CLN3: variants seen among roughly 807,000 people sequenced by gnomAD.
CLN3 encodes CLN3 lysosomal/endosomal transmembrane protein, battenin, also known as battenin.
In CLN3, 49 loss-of-function variants were observed where a neutral mutation model predicts 60.7. The ratio of observed to expected loss-of-function variants is 0.81; its 90% CI spans 0.64 to 1.02. CLN3 has a LOEUF of 1.02. CLN3 is among the 50% of genes least tolerant of loss of function. The pLI is 0.00. For synonymous variants in CLN3, 256 were observed against 245.8 expected, an observed-to-expected ratio of 1.04 and a Z score of -0.39; for missense variants, 516 against 557.4, an observed-to-expected ratio of 0.93 and a Z score of 0.75.
chr16:28,486,912 C>A (rs2046230016), intron 7 of CLN3: 2 of 500,950 alleles, frequency 4.0e-6, no homozygotes, highest in African/African-American at 3.9e-5. Context: ...CAGTCTTTTT[C>A]TTTTCTTTTC....
At chr16:28,479,348 G>A (rs1329482860) in intron 14 of CLN3, 1 of 152,300 alleles carries the variant, frequency 6.6e-6, no homozygotes, top group Non-Finnish European at 1.5e-5. Context: ...CACTTTGGAA[G>A]GCCAAGGCGG....
Position 28,482,072 on chromosome 16 carries a change from G to A in CLN3, c.1056+33C>T, listed in dbSNP as rs918830373. 19 of 1,553,718 alleles carry A rather than the reference G, an allele frequency of 1.2e-5. No homozygotes were observed. The Admixed American group carries it at 1.9e-4, about 16-fold the overall frequency. The stretch of plus-strand genomic sequence containing the variant: ...GCTGGGAGCCAAGCTGGGAGCCAAG[G>A]TGGGAGTGAAGTGAGGGGCAGGGGT... On this transcript the variant is annotated intron_variant, in intron 14 of 15. Transcript: ENST00000636147.
At chr16:28,483,515 C>G (rs1400297730) in intron 10 of CLN3, among the ~76,000 whole-genome samples, 1 of 149,538 alleles carries the variant, frequency 6.7e-6, no homozygotes, top group Non-Finnish European at 1.5e-5. Flanking sequence ...AACCACCACG[C>G]CCGGCCAATG....
intron 10 of CLN3, 117 bp from the exon 11 acceptor site, chr16:28,482,789 C>A (rs932581906): frequency 1.8e-6 from 2 of 1,086,700 alleles, no homozygotes; most frequent in African/African-American, 3.1e-5. Context: ...CACTTCCATG[C>A]CACTGGATTG....
intron 3 of CLN3, 114 bp from the exon 4 acceptor site, chr16:28,489,500 T>G (rs2046278287): frequency 1.3e-6 from 1 of 762,996 alleles, no homozygotes; most frequent in Admixed American, 2.0e-5. Context: ...TTTTTTTCCC[T>G]CTATCACCAG....
chr16:28,487,564 GA>G (rs1394356896), intron 6 of CLN3, 23 bp from the exon 7 acceptor site: 2 of 1,606,986 alleles, frequency 1.2e-6, no homozygotes, highest in South Asian at 2.2e-5. Context: ...GAAGGGAAGG[GA>G]GGGGGAAGGT....
At chr16:28,489,153 C>G (rs2046270866) in intron 4 of CLN3, 137 bp downstream of exon 4, 1 of 731,328 alleles carries the variant, frequency 1.4e-6, no homozygotes, top group Non-Finnish European at 2.5e-6. Flanking sequence ...CCGCCCGCCT[C>G]AGCCTCCCAA....
Position 28,487,453 on chromosome 16 carries a change from C to T in CLN3, c.460+3G>A, listed in dbSNP as rs779238243. The T allele has an allele frequency of 6.2e-6, 10 of 1,612,900 alleles. No homozygotes were observed. In the East Asian group the frequency reaches 2.2e-4, roughly 36 times the overall value. ...CCCATCTGACACAGAACCACACACT[C>T]ACCACACAGGCTGGTCCCCACAGAA... On this transcript the variant is annotated splice_donor_region_variant and intron_variant, in intron 7 of 15. Transcript: ENST00000636147.
chr16:28,482,071 G>A (rs1254722737), intron 14 of CLN3, 34 bp downstream of exon 14: 2 of 1,548,846 alleles, frequency 1.3e-6, no homozygotes, highest in East Asian at 2.3e-5. Context: ...TGGGAGCCAA[G>A]GTGGGAGTGA....
At chr16:28,472,660 G>A (rs184882432), downstream of CLN3, among the ~76,000 whole-genome samples, 170 of 150,822 alleles carry the variant, frequency 1.1e-3, 3 homozygotes, top group East Asian at 0.018. Context: ...GGCCAACACG[G>A]TGAAACCCCG....
chr16:28,469,950 C>T (rs1427840328), downstream of CLN3: 14 of 284,986 alleles, frequency 4.9e-5, no homozygotes, highest in East Asian at 1.1e-4. Flanking sequence ...CCAGCCTGGG[C>T]GACAGAGTGA....
chr16:28,489,197 C>T, intron 4 of CLN3, 93 bp downstream of exon 4: 1 of 982,384 alleles, frequency 1.0e-6, no homozygotes, highest in African/African-American at 1.6e-5. Flanking sequence ...CCACTGTGCC[C>T]AGCCAGAGAC....
chr16:28,476,294 TCAGTACTTTGGGAGGCCAAGG>T, downstream of CLN3: 1 of 151,512 alleles, frequency 6.6e-6, no homozygotes, highest in Admixed American at 6.6e-5. Context: ...GCTTGTAATC[TCAGTACTTTGGGAGGCCAAGG>T]CAGGACTGCT....
At position 28,491,472 on chromosome 16, in the gene CLN3, G is replaced by C; in HGVS notation, c.125+10C>G. 1 of 1,612,888 alleles carries C rather than the reference G, an allele frequency of 6.2e-7. No individual in the cohort carries two copies. Among genetic ancestry groups the C allele is most frequent in the Non-Finnish European group, 8.5e-7 (1 of 1,179,952 alleles). ...GCCATTGTCACTCGCTGAAGTCTCA[G>C]GCCACTCACCAGAAGCCCACCGCGT... On this transcript the variant is annotated intron_variant, in intron 3 of 15. Transcript: ENST00000636147.
At chr16:28,475,482 G>C (rs979269859), downstream of CLN3, 1 of 152,364 alleles carries the variant, frequency 6.6e-6, no homozygotes, top group East Asian at 1.9e-4. Context: ...GAGAGGTGAA[G>C]TGACTTGCCC....
At chr16:28,485,768 G>A (rs1326511489) in intron 9 of CLN3, among the ~76,000 whole-genome samples, 2 of 150,368 alleles carry the variant, frequency 1.3e-5, no homozygotes, top group Non-Finnish European at 1.5e-5. Context: ...ACCACACTGT[G>A]CTGAATGCAT....
At chr16:28,475,510 G>A (rs2045983908), downstream of CLN3, 1 of 152,280 alleles carries the variant, frequency 6.6e-6, no homozygotes, top group Non-Finnish European at 1.5e-5. Flanking sequence ...TAGAGCTAGT[G>A]AATGGCAGGG....
intron 7 of CLN3, chr16:28,487,045 G>T: frequency 2.8e-6 from 1 of 360,564 alleles, no homozygotes; most frequent in East Asian, 6.7e-5. Context: ...CGAGTAGCTG[G>T]GATTACAGGC....
Position 28,492,013 on chromosome 16 carries a change from C to T in CLN3, c.-77+7G>A. 1 of 600,482 alleles carries T rather than the reference C, an allele frequency of 1.7e-6. No homozygotes were observed. The highest frequency in any genetic ancestry group is 2.8e-5 in the East Asian group (1 of 36,000). 37.2% of individuals were successfully genotyped at this position (600,482 alleles called of 1,614,324 possible). ...CCCGTCTACAGCAGGGACCCTGAGGCCTGTACCTTTAAGAGCAGCAGAATG... is the reference window on the plus strand; with the variant it reads ...CCCGTCTACAGCAGGGACCCTGAGGTCTGTACCTTTAAGAGCAGCAGAATG... On this transcript the variant is annotated splice_region_variant and intron_variant, in intron 1 of 15. Coordinates refer to ENST00000636147, the MANE Select transcript of CLN3 (RefSeq NM_001042432.2).
Sources: allele counts gnomAD v4.1 joint callset (sites outside exome capture counted in the v4.1 genomes callset), GRCh38; gene constraint gnomAD v4.1.1; transcripts MANE v1.5; gene names NCBI Gene and HGNC (gene_info 2026-07-23, HGNC 2026-07-21).